The following RALYL variants were observed in gnomAD, a reference collection of about 807,000 sequenced individuals.
RALYL encodes RALY RNA binding protein like, also known as RNA-binding Raly-like protein.
A neutral mutation model predicts 35.1 loss-of-function variants in RALYL; 29 were observed. The observed-to-expected ratio is 0.83, with a 90% CI of 0.61 to 1.13. RALYL has a LOEUF of 1.13. RALYL is among the 50% of genes most tolerant of loss of function. The pLI is 0.00. For missense variants in RALYL, 359 were observed against 360.4 expected, an observed-to-expected ratio of 1.00 and a Z score of 0.03; for synonymous variants, 120 against 127.6, an observed-to-expected ratio of 0.94 and a Z score of 0.40.
chr8:84,627,434 C>T (rs886892050), intron 2 of RALYL, among the ~76,000 whole-genome samples: 4 of 146,840 alleles, frequency 2.7e-5, no homozygotes, highest in Non-Finnish European at 4.5e-5. Flanking sequence ...CCTTTCACTG[C>T]TCTCCAGAGA....
intron 1 of RALYL, among the ~76,000 whole-genome samples, chr8:84,369,566 C>T (rs952894481): frequency 1.3e-5 from 2 of 152,018 alleles, no homozygotes; most frequent in Non-Finnish European, 2.9e-5. Context: ...TTGTGGAAGA[C>T]ATTACTAGGA....
intron 1 of RALYL, among the ~76,000 whole-genome samples, chr8:84,424,056 T>C (rs1009312937): frequency 1.7e-3 from 264 of 152,158 alleles, no homozygotes; most frequent in African/African-American, 6.0e-3. Flanking sequence ...AGGAGTATCT[T>C]TGTGGCGTTC....
intron 2 of RALYL, among the ~76,000 whole-genome samples, chr8:84,691,305 A>G (rs1258488624): frequency 6.6e-6 from 1 of 152,060 alleles, no homozygotes; most frequent in Non-Finnish European, 1.5e-5. Context: ...CTGGTTTACA[A>G]GGAGGTTATC....
intron 2 of RALYL, among the ~76,000 whole-genome samples, chr8:84,771,311 AT>A (rs1381985513): frequency 6.6e-6 from 1 of 151,998 alleles, no homozygotes; most frequent in Non-Finnish European, 1.5e-5. Context: ...TAAAAATACA[AT>A]GGGTATTTGT....
chr8:84,527,075 T>G (rs1735486844), intron 1 of RALYL, among the ~76,000 whole-genome samples: 1 of 152,218 alleles, frequency 6.6e-6, no homozygotes, highest in Non-Finnish European at 1.5e-5. Context: ...TAGAGAATGT[T>G]GAAATGACAG....
At chr8:84,371,838 T>C (rs941920557) in intron 1 of RALYL, among the ~76,000 whole-genome samples, 3 of 152,094 alleles carry the variant, frequency 2.0e-5, no homozygotes, top group Non-Finnish European at 4.4e-5. Flanking sequence ...GCTTTTATTA[T>C]ACATATATAG....
chr8:84,394,241 G>A (rs781574955), intron 1 of RALYL, among the ~76,000 whole-genome samples: 1 of 152,030 alleles, frequency 6.6e-6, no homozygotes, highest in Non-Finnish European at 1.5e-5. Flanking sequence ...TCCAGGTGTA[G>A]CTTGTTCCAT....
chr8:84,523,926 T>G (rs2058678944), intron 1 of RALYL, among the ~76,000 whole-genome samples: 2 of 152,082 alleles, frequency 1.3e-5, no homozygotes, highest in Admixed American at 6.6e-5. Flanking sequence ...TGTTGGACAT[T>G]TGGGTTGGTT....
intron 1 of RALYL, among the ~76,000 whole-genome samples, chr8:84,277,904 T>G (rs1835736192): frequency 6.6e-6 from 1 of 152,192 alleles, no homozygotes; most frequent in Non-Finnish European, 1.5e-5. Context: ...TGGGCTGGCA[T>G]TGAGTGTCTG....
At chr8:84,355,419 A>G (rs1851639111) in intron 1 of RALYL, among the ~76,000 whole-genome samples, 1 of 150,570 alleles carries the variant, frequency 6.6e-6, no homozygotes, top group Non-Finnish European at 1.5e-5. Flanking sequence ...AGCTTTTCCA[A>G]GGAAGTGGAA....
In RALYL at chr8:84,873,362, TG is replaced by T; in HGVS notation, c.652del (p.Glu218ArgfsTer22). 6.3e-7 allele frequency: 1 copy of T among 1,599,792 alleles called. No homozygotes were observed. The highest frequency in any genetic ancestry group is 8.5e-7 in the Non-Finnish European group (1 of 1,172,724). The stretch of plus-strand genomic sequence containing the variant: ...AAAATTGACTCCTTGCTAGGGCGCC[TG>T]GAGAAGATTGAGAAACAGCAGAAGG... ...KTKIDSLLGR[L>X]EKIEKQQKAE... On this transcript the variant is annotated frameshift_variant, in exon 7 of 9. Transcript: ENST00000521268. LOFTEE classifies it high-confidence loss of function.
intron 1 of RALYL, among the ~76,000 whole-genome samples, chr8:84,306,179 A>G (rs1841761324): frequency 6.6e-6 from 1 of 151,626 alleles, no homozygotes; most frequent in African/African-American, 2.4e-5. Flanking sequence ...AAAAAAAACG[A>G]AAACCCCACC....
chr8:84,475,682 T>C (rs928485972), intron 1 of RALYL, among the ~76,000 whole-genome samples: 1 of 152,096 alleles, frequency 6.6e-6, no homozygotes, highest in African/African-American at 2.4e-5. Flanking sequence ...ACGAAGAAAG[T>C]GTTTGGTAAA....
At chr8:84,908,130 G>A (rs1846845365) in intron 8 of RALYL, among the ~76,000 whole-genome samples, 1 of 152,140 alleles carries the variant, frequency 6.6e-6, no homozygotes, top group African/African-American at 2.4e-5. Flanking sequence ...TGATGTTATA[G>A]TGTATGTACA....
chr8:84,667,810 T>C (rs1832386999), intron 2 of RALYL, among the ~76,000 whole-genome samples: 1 of 152,060 alleles, frequency 6.6e-6, no homozygotes, highest in Non-Finnish European at 1.5e-5. Context: ...TGAGAACCAG[T>C]CAGCCCAACA....
At chr8:84,338,794 A>C (rs1270106639) in intron 1 of RALYL, among the ~76,000 whole-genome samples, 1 of 152,160 alleles carries the variant, frequency 6.6e-6, no homozygotes, top group Non-Finnish European at 1.5e-5. Context: ...ATAATAATTT[A>C]GAATACCACT....
At chr8:84,889,927 C>T (rs1356430540) in intron 8 of RALYL, among the ~76,000 whole-genome samples, 1 of 152,174 alleles carries the variant, frequency 6.6e-6, no homozygotes, top group East Asian at 1.9e-4. Context: ...ATGACCCAAG[C>T]CACGATCCCT....
intron 1 of RALYL, among the ~76,000 whole-genome samples, chr8:84,469,486 G>A (rs2052344459): frequency 6.6e-6 from 1 of 152,192 alleles, no homozygotes; most frequent in Admixed American, 6.5e-5. Flanking sequence ...CACTTGAGGA[G>A]GCAGTCTGCC....
intron 2 of RALYL, among the ~76,000 whole-genome samples, chr8:84,637,711 GTGTGGACTGGGAT>G (rs1255263345): frequency 6.6e-6 from 1 of 151,846 alleles, no homozygotes; most frequent in African/African-American, 2.4e-5. Context: ...TCCTCCGGGA[GTGTGGACTGGGAT>G]TATCTCAACA....
Sources: allele counts gnomAD v4.1 joint callset (sites outside exome capture counted in the v4.1 genomes callset), GRCh38; gene constraint gnomAD v4.1.1; transcripts MANE v1.5; gene names NCBI Gene and HGNC (gene_info 2026-07-23, HGNC 2026-07-21).